ASAP1: variants seen among roughly 807,000 people sequenced by gnomAD.
The protein encoded by ASAP1 is arf-GAP with SH3 domain, ANK repeat and PH domain-containing protein 1.
In ASAP1, 43 loss-of-function variants were observed where a neutral mutation model predicts 145.2. That is an observed-to-expected ratio of 0.30 (90% CI 0.23 to 0.38). The LOEUF is 0.38. ASAP1 is among the 10% of genes least tolerant of loss of function. The probability of loss-of-function intolerance (pLI) is 1.00; values close to 1 mark genes in which losing one functional copy is unlikely to be tolerated. For missense variants in ASAP1, 1,018 were observed against 1,355.3 expected, an observed-to-expected ratio of 0.75 and a Z score of 3.91; for synonymous variants, 546 against 515.5, an observed-to-expected ratio of 1.06 and a Z score of -0.80.
chr8:130,320,600 T>C (rs887333250), intron 3 of ASAP1, among the ~76,000 whole-genome samples: 1 of 150,862 alleles, frequency 6.6e-6, no homozygotes, highest in African/African-American at 2.4e-5. Flanking sequence ...GACACCTAGA[T>C]TTAAACACTG....
At chr8:130,087,276 T>C (rs150551008) in intron 25 of ASAP1, among the ~76,000 whole-genome samples, 6 of 151,996 alleles carry the variant, frequency 3.9e-5, no homozygotes, top group African/African-American at 1.2e-4. Flanking sequence ...TCCCAGCACT[T>C]TGAGAGGCCG....
At chr8:130,168,534 G>A (rs1048004886) in intron 10 of ASAP1, among the ~76,000 whole-genome samples, 1 of 152,140 alleles carries the variant, frequency 6.6e-6, no homozygotes, top group Non-Finnish European at 1.5e-5. Context: ...ACATTGCAGT[G>A]AGCCAAGATC....
Position 130,353,604 on chromosome 8 carries a change from T to C in ASAP1, c.186+4413A>G, listed in dbSNP as rs371305665. On this transcript the variant is annotated intron_variant, in intron 3 of 29. Coordinates refer to ENST00000518721, the MANE Select transcript of ASAP1 (RefSeq NM_018482.4). ...TAAACTCTGGGCCAGGCGTGGTGGC[T>C]CATGCCTGTAATCCCAGCACTTTGG... Among the ~76,000 whole-genome samples the C allele has an allele frequency of 1.4e-3, 211 of 152,286 alleles. 1 individual carries two copies. The highest frequency in any genetic ancestry group is 4.4e-3 in the African/African-American group (184 of 41,574).
intron 22 of ASAP1, among the ~76,000 whole-genome samples, chr8:130,116,319 T>A (rs1420977597): frequency 1.3e-5 from 2 of 152,218 alleles, no homozygotes; most frequent in Admixed American, 6.5e-5. Context: ...AGACCACTAC[T>A]CTCTGAGCTT....
chr8:130,287,637 C>T (rs1340415301), intron 3 of ASAP1, among the ~76,000 whole-genome samples: 2 of 152,178 alleles, frequency 1.3e-5, no homozygotes, highest in African/African-American at 4.8e-5. Flanking sequence ...TGCCTCAAAC[C>T]CTCTGCATTT....
chr8:130,088,714 G>T (rs6470800), intron 25 of ASAP1, among the ~76,000 whole-genome samples: 85,413 of 151,970 alleles, frequency 0.56, 24,352 homozygotes, highest in East Asian at 0.68. Context: ...CTCAGGAAAC[G>T]AATGCAGGTT....
intron 3 of ASAP1, among the ~76,000 whole-genome samples, chr8:130,319,119 T>G (rs994036352): frequency 2.6e-5 from 4 of 152,208 alleles, no homozygotes; most frequent in African/African-American, 9.7e-5. Context: ...TGTGGTTATT[T>G]GGAGAAGAAA....
At chr8:130,154,094 G>A (rs1276364534) in intron 12 of ASAP1, among the ~76,000 whole-genome samples, 1 of 152,124 alleles carries the variant, frequency 6.6e-6, no homozygotes, top group East Asian at 1.9e-4. Context: ...AGCGAGGGGT[G>A]AACTGCCTCG....
chr8:130,435,652 C>A (rs937166479), intron 1 of ASAP1, among the ~76,000 whole-genome samples: 2 of 152,114 alleles, frequency 1.3e-5, no homozygotes. Context: ...CTTGGTGTCT[C>A]CCAGAATTAG....
At chr8:130,252,093 C>T (rs1456326927) in intron 3 of ASAP1, among the ~76,000 whole-genome samples, 1 of 152,008 alleles carries the variant, frequency 6.6e-6, no homozygotes, top group African/African-American at 2.4e-5. Flanking sequence ...TAGAAGTAAC[C>T]TAAATCCAAC....
chr8:130,222,868 C>A (rs1257459113), intron 4 of ASAP1, among the ~76,000 whole-genome samples: 1 of 152,158 alleles, frequency 6.6e-6, no homozygotes, highest in Admixed American at 6.5e-5. Context: ...AAAGCCTGTG[C>A]TCCTAACTAG....
At chr8:130,348,713 G>T (rs1395460628) in intron 3 of ASAP1, among the ~76,000 whole-genome samples, 1 of 152,128 alleles carries the variant, frequency 6.6e-6, no homozygotes, top group East Asian at 1.9e-4. Context: ...TTGCTTTAAG[G>T]CTCCTGCCTC....
chr8:130,365,892 G>C (rs955889050), intron 2 of ASAP1, among the ~76,000 whole-genome samples: 2 of 152,194 alleles, frequency 1.3e-5, no homozygotes, highest in African/African-American at 4.8e-5. Flanking sequence ...ATCCAGAAGA[G>C]AGTAAGATCC....
At chr8:130,264,814 C>T (rs929990) in intron 3 of ASAP1, among the ~76,000 whole-genome samples, 5,277 of 152,166 alleles carry the variant, frequency 0.035, 124 homozygotes, top group Middle Eastern at 0.065. Context: ...ACGATGATCA[C>T]TATGTACGCA....
chr8:130,312,785 C>T (rs1823439055), intron 3 of ASAP1, among the ~76,000 whole-genome samples: 1 of 152,156 alleles, frequency 6.6e-6, no homozygotes, highest in South Asian at 2.1e-4. Flanking sequence ...GAAATTTTCC[C>T]CCCTAGAAAT....
chr8:130,100,592 G>A (rs186394088), intron 24 of ASAP1, among the ~76,000 whole-genome samples: 13 of 152,230 alleles, frequency 8.5e-5, no homozygotes, highest in Middle Eastern at 3.4e-3. Context: ...GCCTCCCAAC[G>A]TGCTGGGATT....
rs1054279394 is a variant in ASAP1, at chr8:130,358,583, G to A, written c.60-440C>T. Among the ~76,000 whole-genome samples, 38 of 147,610 alleles carry A rather than the reference G, an allele frequency of 2.6e-4. No individual in the cohort carries two copies. Among genetic ancestry groups the A allele is most frequent in the Non-Finnish European group, 4.7e-4 (31 of 66,208 alleles). On this transcript the variant is annotated intron_variant, in intron 2 of 29. Coordinates refer to ENST00000518721, the MANE Select transcript of ASAP1 (RefSeq NM_018482.4). This position sits in a 1 kb window ranked among gnomAD's most constrained non-coding sequence, Gnocchi z 4.1. The stretch of plus-strand genomic sequence containing the variant: ...AGACGCGCTGACAGGCGGCGGCGCG[G>A]GCCTGACTGACTGAGCGCACACTCC...
At chr8:130,171,159 C>T (rs1161150401) in intron 9 of ASAP1, among the ~76,000 whole-genome samples, 2 of 152,128 alleles carry the variant, frequency 1.3e-5, no homozygotes, top group Non-Finnish European at 2.9e-5. Context: ...TTAAAAACTC[C>T]AAGGTCTAGC....
At chr8:130,208,219 C>CA (rs1386753917) in intron 5 of ASAP1, among the ~76,000 whole-genome samples, 2 of 152,106 alleles carry the variant, frequency 1.3e-5, no homozygotes, top group Non-Finnish European at 2.9e-5. Context: ...AACGAAAAAA[C>CA]AGACACTGGT....
Sources: gnomAD v4.1 joint callset for allele counts (sites outside exome capture counted in the v4.1 genomes callset) on GRCh38, gnomAD v4.1.1 for gene constraint, Gnocchi (gnomAD v3.1) non-coding constraint, MANE v1.5 for transcripts, NCBI Gene and HGNC (gene_info 2026-07-23, HGNC 2026-07-21) for gene names.